ANKRD13D: variants seen among roughly 807,000 people sequenced by gnomAD.
ANKRD13D encodes ankyrin repeat domain 13D.
ANKRD13D carries 24 observed loss-of-function variants against 68.8 expected under a neutral mutation model. That is an observed-to-expected ratio of 0.35 (90% CI 0.25 to 0.49). The LOEUF is 0.49. Among genes scored for constraint, ANKRD13D ranks in the 20% least tolerant of loss-of-function variants. The pLI is 0.99. For missense variants in ANKRD13D, 735 were observed against 832.1 expected (o/e 0.88, Z 1.44); for synonymous variants, 331 against 336.1 (o/e 0.98, Z 0.16).
intron 6 of ANKRD13D, among the ~76,000 whole-genome samples, chr11:67,296,148 A>G (rs140644794): frequency 5.9e-5 from 9 of 152,306 alleles, no homozygotes; most frequent in Admixed American, 3.3e-4. Context: ...TTTTGTGTCC[A>G]TATTCATAAG....
rs753108287 is a variant in ANKRD13D at position 67,301,670 on chromosome 11, G to T, written c.1512+19G>T. 1.9e-6 allele frequency: 3 copies of T among 1,611,028 alleles called. No individual in the cohort carries two copies. The African/African-American group carries it at 4.0e-5, about 21-fold the overall frequency. ...GGAGCAGGTGGGACTTGCCCAGGGG[G>T]TGGGCTCTGGCCTCTGCAGCCACAC... On this transcript the variant is annotated intron_variant, in intron 13 of 14. Transcript: ENST00000511455. The surrounding 1 kb of genome is among the most constrained non-coding windows in gnomAD (Gnocchi z 4.5).
rs749097377 is a variant in ANKRD13D, at chr11:67,301,578, G to A, written c.1439G>A (p.Arg480Gln). 1.3e-5 allele frequency: 21 copies of A among 1,612,922 alleles called. No homozygotes were observed. Among genetic ancestry groups the A allele is most frequent in the Non-Finnish European group, 1.6e-5 (19 of 1,179,998 alleles). The change falls in exon 13 of 15, where the codon CGG (arginine) becomes CAG (glutamine). Residue 480 changes from arginine (R) to glutamine (Q), a missense_variant. Physicochemically the swap from Arg to Gln is conservative, Grantham distance 43. Coordinates refer to ENST00000511455, the MANE Select transcript of ANKRD13D (RefSeq NM_207354.3). The surrounding 1 kb of genome is among the most constrained non-coding windows in gnomAD (Gnocchi z 4.5). Reference sequence around the variant, plus strand: ...GGCATGGAGCGCAACGAGCCCCTCCGGGACGAGGACGATGACCTCCTGCAG... The same window carrying A: ...GGCATGGAGCGCAACGAGCCCCTCCAGGACGAGGACGATGACCTCCTGCAG... ...VLGMERNEPLRDEDDDLLQFA... is the reference protein window; with the variant it reads ...VLGMERNEPLQDEDDDLLQFA...
At chr11:67,294,142 A>G (rs186894581) in intron 6 of ANKRD13D, among the ~76,000 whole-genome samples, 171 of 152,346 alleles carry the variant, frequency 1.1e-3, no homozygotes, top group African/African-American at 3.9e-3. Context: ...GTTGCTTTGC[A>G]ATAAGTTTTG....
chr11:67,291,623 T>C lies in ANKRD13D; in HGVS notation c.418T>C (p.Cys140Arg). 6.2e-7 allele frequency: 1 copy of C among 1,614,036 alleles called. No homozygotes were observed. Among genetic ancestry groups the C allele is most frequent in the Non-Finnish European group, 8.5e-7 (1 of 1,180,030 alleles). ...TSWVPLVSKM[C>R]PSDVYRVWKR... Reference sequence around the variant, plus strand: ...TGCAGTGCCCCTTGTGTCTAAGATGTGCCCAAGCGATGTGTACCGCGTGTG... The same window carrying C: ...TGCAGTGCCCCTTGTGTCTAAGATGCGCCCAAGCGATGTGTACCGCGTGTG... The change falls in exon 5 of 15, where the codon TGC becomes CGC. Residue 140 changes from cysteine to arginine, a missense_variant. Coordinates refer to ENST00000511455, the MANE Select transcript of ANKRD13D (RefSeq NM_207354.3).
At chr11:67,291,388 G>C (rs1860537570) in intron 3 of ANKRD13D, 88 bp from the exon 4 acceptor site, 7 of 1,374,662 alleles carry the variant, frequency 5.1e-6, no homozygotes, top group Admixed American at 2.1e-5. Flanking sequence ...CCTGATGAAG[G>C]GCTGGGCTGG....
Position 67,301,882 on chromosome 11 carries a change from G to C in ANKRD13D, c.1604+59G>C. 6.6e-7 allele frequency: 1 copy of C among 1,510,740 alleles called. No individual in the cohort carries two copies. The highest frequency in any genetic ancestry group is 8.9e-7 in the Non-Finnish European group (1 of 1,123,536). 93.6% of individuals were successfully genotyped at this position (1,510,740 alleles called of 1,614,324 possible). On this transcript the variant is annotated intron_variant, in intron 14 of 14. Coordinates refer to ENST00000511455, the MANE Select transcript of ANKRD13D (RefSeq NM_207354.3). The surrounding 1 kb of genome is among the most constrained non-coding windows in gnomAD (Gnocchi z 4.5). ...CCCCCCAGCCCTGGCTTGGCGGGGA[G>C]GGGGATAGCAGGAAGGTGCTAGGAC... is the stretch of plus-strand genomic sequence containing the variant.
At chr11:67,298,937 G>A (rs903932534) in intron 6 of ANKRD13D, 121 bp from the exon 7 acceptor site, 5 of 994,498 alleles carry the variant, frequency 5.0e-6, no homozygotes, top group Admixed American at 3.4e-5. Flanking sequence ...GTTTCATAGC[G>A]AGAAGGGGCC....
chr11:67,296,690 C>CA (rs2136529327), intron 6 of ANKRD13D, among the ~76,000 whole-genome samples: 1 of 152,044 alleles, frequency 6.6e-6, no homozygotes, highest in East Asian at 1.9e-4. Flanking sequence ...AGTGCAGTGG[C>CA]ATGATAAGAG....
chr11:67,292,802 TCTTCGCCAAA>T (rs1471114006), intron 6 of ANKRD13D, among the ~76,000 whole-genome samples: 7 of 152,176 alleles, frequency 4.6e-5, no homozygotes, highest in Non-Finnish European at 8.8e-5. Flanking sequence ...TTTAGCTAAC[TCTTCGCCAAA>T]CTTCTTATCC....
chr11:67,289,600 G>T, intron 1 of ANKRD13D, 50 bp downstream of exon 1: 1 of 1,418,522 alleles, frequency 7.0e-7, no homozygotes, highest in Non-Finnish European at 9.2e-7. Context: ...CCCCACCCAA[G>T]GCTGTGGCCT....
At position 67,301,025 on chromosome 11, in the gene ANKRD13D, C is replaced by T; in HGVS notation, c.1109C>T (p.Pro370Leu). The T allele has an allele frequency of 4.3e-6, 7 of 1,613,950 alleles. No individual in the cohort carries two copies. The highest frequency in any genetic ancestry group is 5.9e-6 in the Non-Finnish European group (7 of 1,180,012). ...KATLWLSEEH[P>L]LSLGDQVTPI... ...ACACTGTGGCTGAGTGAAGAGCACC[C>T]GCTCTCCCTGGGTGACCAGGTGACC... Residue 370 changes from proline (P) to leucine (L), a missense_variant, in exon 11 of 15, where the codon CCG (proline) becomes CTG (leucine). Transcript: ENST00000511455. The surrounding 1 kb of genome is among the most constrained non-coding windows in gnomAD (Gnocchi z 4.5).
chr11:67,291,084 G>C (rs959087354), intron 3 of ANKRD13D: 2 of 232,036 alleles, frequency 8.6e-6, no homozygotes, highest in African/African-American at 4.7e-5. Flanking sequence ...AGGGCCAGGC[G>C]TTGTGGCTTA....
intron 6 of ANKRD13D, 85 bp downstream of exon 6, chr11:67,292,265 A>T: frequency 7.1e-7 from 1 of 1,418,350 alleles, no homozygotes; most frequent in Non-Finnish European, 9.4e-7. Context: ...ATCCTTGAAG[A>T]TCCTGGTTCA....
rs375585353 is a variant in ANKRD13D at position 67,301,131 on chromosome 11, C to T, written c.1215C>T (p.Gly405=). The change falls in exon 11 of 15, where the codon GGC becomes GGT. Residue 405 remains glycine, a synonymous_variant. Coordinates refer to ENST00000511455, the MANE Select transcript of ANKRD13D (RefSeq NM_207354.3). This position sits in a 1 kb window ranked among gnomAD's most constrained non-coding sequence, Gnocchi z 4.5. ...RDFITLRLPP[G]FPVKIEIPLF... is the part of the protein sequence containing the mutation. The stretch of plus-strand genomic sequence containing the variant: ...TCATCACTCTGCGCCTTCCACCTGG[C>T]TTCCCCGTCAAAATTGGTGAGAGGC... 2.8e-4 allele frequency: 446 copies of T among 1,613,852 alleles called. 2 individuals are homozygous for T. The South Asian group carries it at 4.6e-3, about 17-fold the overall frequency.
At chr11:67,291,786 G>C (rs1439230201) in intron 5 of ANKRD13D, 40 bp downstream of exon 5, 2 of 1,606,098 alleles carry the variant, frequency 1.2e-6, no homozygotes, top group Non-Finnish European at 1.7e-6. Context: ...CTCGGCCCTT[G>C]GGTTTCCTGC....
Position 67,291,665 on chromosome 11 carries a change from C to G in ANKRD13D, c.460C>G (p.Leu154Val). ...VYRVWKRGES[L>V]RVDTSLLGFE... ...CCGCGTGTGGAAGCGGGGTGAGAGCCTGCGAGTAGACACCAGTCTCCTGGG... is the reference window on the plus strand; with the variant it reads ...CCGCGTGTGGAAGCGGGGTGAGAGCGTGCGAGTAGACACCAGTCTCCTGGG... Residue 154 changes from leucine (L) to valine (V), a missense_variant, in exon 5 of 15, where the codon CTG becomes GTG. By Grantham distance (32) the Leu-to-Val change is conservative (BLOSUM62 1). Transcript: ENST00000511455. 6.2e-7 allele frequency: 1 copy of G among 1,614,132 alleles called. No individual in the cohort carries two copies. The highest frequency in any genetic ancestry group is 8.5e-7 in the Non-Finnish European group (1 of 1,180,044).
At chr11:67,297,299 C>G (rs1252693179) in intron 6 of ANKRD13D, among the ~76,000 whole-genome samples, 4 of 151,184 alleles carry the variant, frequency 2.6e-5, no homozygotes, top group Admixed American at 6.6e-5. Context: ...CTCCGCCTCC[C>G]AGGCTCAAGT....
intron 1 of ANKRD13D, 154 bp downstream of exon 1, chr11:67,289,704 G>C: frequency 3.8e-6 from 5 of 1,330,438 alleles, no homozygotes; most frequent in Non-Finnish European, 4.9e-6. Flanking sequence ...CCAGGTCACC[G>C]GCCCCTCGCG....
Position 67,290,069 on chromosome 11 carries a change from C to G in ANKRD13D, c.91-9C>G, listed in dbSNP as rs1430647916. 6.5e-7 allele frequency: 1 copy of G among 1,536,186 alleles called. No individual in the cohort carries two copies. The highest frequency in any genetic ancestry group is 8.7e-7 in the Non-Finnish European group (1 of 1,146,326). On this transcript the variant is annotated splice_polypyrimidine_tract_variant and intron_variant, in intron 1 of 14. Coordinates refer to ENST00000511455, the MANE Select transcript of ANKRD13D (RefSeq NM_207354.3). ...CTCCTGCCCTTTGTGAGTGTCCCGT[C>G]TCCCCCAGCACGACATTGAACAGGA...
Sources: allele counts gnomAD v4.1 joint callset (sites outside exome capture counted in the v4.1 genomes callset), GRCh38; gene constraint gnomAD v4.1.1; non-coding constraint Gnocchi (gnomAD v3.1); transcripts MANE v1.5; gene names NCBI Gene and HGNC (gene_info 2026-07-23, HGNC 2026-07-21).